HOXD13: variants seen among roughly 807,000 people sequenced by gnomAD.
HOXD13 encodes the protein homeobox D13.
A neutral mutation model predicts 27.3 loss-of-function variants in HOXD13; 16 were observed. The ratio of observed to expected loss-of-function variants is 0.59; its 90% confidence interval spans 0.40 to 0.89. The LOEUF is 0.89. Among genes scored for constraint, HOXD13 ranks in the 40% least tolerant of loss-of-function variants. HOXD13 has a pLI of 0.00. For synonymous variants in HOXD13, 241 were observed against 219.0 expected, an observed-to-expected ratio of 1.10 and a Z score of -0.89; for missense variants, 481 against 482.6, an observed-to-expected ratio of 1.00 and a Z score of 0.03.
At chr2:176,092,470 C>CG (rs1456639378), upstream of HOXD13, among the ~76,000 whole-genome samples, 41 of 9,748 alleles carry the variant, frequency 4.2e-3, 1 homozygote, top group Admixed American at 0.033. Context: ...ACGCCTGGGT[C>CG]GGGGGGGAGG....
At position 176,093,156 on chromosome 2, in the gene HOXD13, C is replaced by A; in HGVS notation, c.266C>A (p.Ser89Ter). Reference sequence around the variant, plus strand: ...GAGCGCACGGGCTCTTCCTCGTCGTCGTCCTCTTCTGCCGTTGTAGCGGCG... The same window carrying A: ...GAGCGCACGGGCTCTTCCTCGTCGTAGTCCTCTTCTGCCGTTGTAGCGGCG... ...TSERTGSSSS[S>*]SSSAVVAARP... The change falls in exon 1 of 2, where the codon TCG becomes TAG. Residue 89 changes from serine (S) to a stop codon, truncating the protein, a stop_gained. Transcript: ENST00000392539. LOFTEE classifies it high-confidence loss of function. 5 of 1,607,340 alleles carry A rather than the reference C, an allele frequency of 3.1e-6. No homozygotes were observed. Among genetic ancestry groups the A allele is most frequent in the Non-Finnish European group, 4.2e-6 (5 of 1,179,462 alleles).
chr2:176,092,271 T>A (rs113236238), upstream of HOXD13, among the ~76,000 whole-genome samples: 9,631 of 152,316 alleles, frequency 0.063, 410 homozygotes, highest in Admixed American at 0.12. Flanking sequence ...AAAATGGGCC[T>A]GTTTTCACAT....
Position 176,092,858 on chromosome 2 carries a change from A to AGGGCCAGGGCCG in HOXD13, c.-27_-16dup. 1 of 1,188,454 alleles carries AGGGCCAGGGCCG rather than the reference A, an allele frequency of 8.4e-7. No individual in the cohort carries two copies. Among genetic ancestry groups the AGGGCCAGGGCCG allele is most frequent in the Non-Finnish European group, 1.0e-6 (1 of 954,832 alleles). 73.6% of individuals were successfully genotyped at this position (1,188,454 alleles called of 1,614,324 possible). A position where few individuals can be genotyped will look rare whatever the true frequency, so the allele number is the denominator to read the frequency against. ...GCGCCATGGTGTCCTGCGCGGGGCCAGGGCCAGGGCCGGGGCCGGGCCAGG... is the reference window on the plus strand; with the variant it reads ...GCGCCATGGTGTCCTGCGCGGGGCCAGGGCCAGGGCCGGGGCCAGGGCCGGGGCCGGGCCAGG... On this transcript the variant is annotated 5_prime_UTR_variant, in exon 1 of 2. Transcript: ENST00000392539.
chr2:176,090,235 G>T (rs1296363312), upstream of HOXD13, among the ~76,000 whole-genome samples: 2 of 152,238 alleles, frequency 1.3e-5, no homozygotes, highest in Non-Finnish European at 2.9e-5. Flanking sequence ...CAAAGGCTAT[G>T]CTGGAAGCAG....
chr2:176,092,617 G>C (rs571866542), upstream of HOXD13, among the ~76,000 whole-genome samples: 2 of 152,214 alleles, frequency 1.3e-5, no homozygotes, highest in East Asian at 1.9e-4. Context: ...CCAATGGCAC[G>C]CCCCCGGCGG....
rs371806521 is a variant in HOXD13 at position 176,093,364 on chromosome 2, G to A, written c.474G>A (p.Ser158=). 3 of 1,613,724 alleles carry A rather than the reference G, an allele frequency of 1.9e-6. No homozygotes were observed. Among genetic ancestry groups the A allele is most frequent in the African/African-American group, 2.7e-5 (2 of 74,936 alleles). Residue 158 remains serine (S), a synonymous_variant, in exon 1 of 2, where the codon TCG becomes TCA. Coordinates refer to ENST00000392539, the MANE Select transcript of HOXD13 (RefSeq NM_000523.4). ...QNALKSSPHA[S]LGGFPVEKYM... Reference sequence around the variant, plus strand: ...CGCTCAAGTCATCGCCGCACGCCTCGCTGGGAGGCTTTCCCGTGGAGAAGT... The same window carrying A: ...CGCTCAAGTCATCGCCGCACGCCTCACTGGGAGGCTTTCCCGTGGAGAAGT...
At position 176,094,676 on chromosome 2, in the gene HOXD13, C is replaced by T. The variant is rs1457102355; in HGVS notation, c.978C>T (p.Asn326=). The T allele has an allele frequency of 2.5e-6, 4 of 1,613,838 alleles. No individual in the cohort carries two copies. The highest frequency in any genetic ancestry group is 2.5e-6 in the Non-Finnish European group (3 of 1,179,778). Residue 326 remains asparagine, a synonymous_variant, in exon 2 of 2, where the codon AAC becomes AAT. Coordinates refer to ENST00000392539, the MANE Select transcript of HOXD13 (RefSeq NM_000523.4). ...GACAAGTGACCATTTGGTTTCAGAA[C>T]CGAAGAGTGAAGGACAAGAAAATTG... ...SERQVTIWFQ[N]RRVKDKKIVS... is the part of the protein sequence containing the mutation.
rs1431472260 is a variant in HOXD13 at position 176,093,450 on chromosome 2, C to G, written c.560C>G (p.Ala187Gly). 1.2e-6 allele frequency: 2 copies of G among 1,613,870 alleles called. No homozygotes were observed. Among genetic ancestry groups the G allele is most frequent in the South Asian group, 2.2e-5 (2 of 91,094 alleles). The change falls in exon 1 of 2, where the codon GCC becomes GGC. Residue 187 changes from alanine (A) to glycine (G), a missense_variant. By Grantham distance (60) the Ala-to-Gly change is moderately conservative. Coordinates refer to ENST00000392539, the MANE Select transcript of HOXD13 (RefSeq NM_000523.4). ...SVPANEVPAR[A>G]KEVSFYQGYT... ...CCGGCCAACGAGGTGCCAGCGCGAGCCAAGGAGGTATCCTTCTACCAGGGC... is the reference window on the plus strand; with the variant it reads ...CCGGCCAACGAGGTGCCAGCGCGAGGCAAGGAGGTATCCTTCTACCAGGGC...
rs1254599167 is a variant in HOXD13 at position 176,093,385 on chromosome 2, G to T, written c.495G>T (p.Glu165Asp). 6.2e-7 allele frequency: 1 copy of T among 1,613,910 alleles called. No individual in the cohort carries two copies. Among genetic ancestry groups the T allele is most frequent in the Non-Finnish European group, 8.5e-7 (1 of 1,180,050 alleles). ...PHASLGGFPV[E>D]KYMDVSGLAS... ...CCTCGCTGGGAGGCTTTCCCGTGGAGAAGTACATGGACGTGTCAGGCCTGG... is the reference window on the plus strand; with the variant it reads ...CCTCGCTGGGAGGCTTTCCCGTGGATAAGTACATGGACGTGTCAGGCCTGG... The change falls in exon 1 of 2, where the codon GAG (glutamate) becomes GAT (aspartate). Residue 165 changes from glutamate (E) to aspartate (D), a missense_variant. Transcript: ENST00000392539.
intron 1 of HOXD13, 80 bp from the exon 2 acceptor site, chr2:176,094,400 C>CACAA: frequency 2.0e-6 from 3 of 1,535,146 alleles, no homozygotes; most frequent in Middle Eastern, 2.2e-4. Flanking sequence ...CACACACACA[C>CACAA]ACACACACAC....
rs765227186 is a variant in HOXD13 at position 176,093,104 on chromosome 2, T to G, written c.214T>G (p.Ser72Ala). The change falls in exon 1 of 2, where the codon TCC becomes GCC. Residue 72 changes from serine to alanine, a missense_variant. Ser to Ala is a moderately conservative substitution (Grantham distance 99). Coordinates refer to ENST00000392539, the MANE Select transcript of HOXD13 (RefSeq NM_000523.4). Reference sequence around the variant, plus strand: ...GGCTGCGGCGGCGGCGGCGGCAGCCTCCGGCTTTGCGTACCCCGGGACCTC... The same window carrying G: ...GGCTGCGGCGGCGGCGGCGGCAGCCGCCGGCTTTGCGTACCCCGGGACCTC... ...AAAAAAAAAA[S>A]GFAYPGTSER... 6.5e-7 allele frequency: 1 copy of G among 1,532,010 alleles called. No homozygotes were observed. Among genetic ancestry groups the G allele is most frequent in the Admixed American group, 2.1e-5 (1 of 48,142 alleles). The allele number at this position is 1,532,010 out of a possible 1,614,324, so 94.9% of individuals were successfully genotyped here. A position where few individuals can be genotyped will look rare whatever the true frequency, so the allele number is the denominator to read the frequency against.
rs1293561094 is a variant in HOXD13 at position 176,093,558 on chromosome 2, A to G, written c.668A>G (p.Tyr223Cys). 19 of 1,613,588 alleles carry G rather than the reference A, an allele frequency of 1.2e-5. No homozygotes were observed. Among genetic ancestry groups the G allele is most frequent in the Non-Finnish European group, 1.6e-5 (19 of 1,179,802 alleles). ...TCCGGGGAGCCTCGGCACGAGGCCT[A>G]CATCTCCATGGAGGGGTACCAGTCC... ...FGSGEPRHEA[Y>C]ISMEGYQSWT... The change falls in exon 1 of 2, where the codon TAC becomes TGC. Residue 223 changes from tyrosine (Y) to cysteine (C), a missense_variant. Tyr to Cys is a radical substitution (Grantham distance 194, BLOSUM62 -2). Transcript: ENST00000392539.
chr2:176,092,945 GC>G lies in HOXD13; in HGVS notation c.57del (p.Gly20ValfsTer76). ...MDGLRADGGG[A>X]GGAPASSSSS... ...CGGGCTGCGGGCAGACGGCGGGGGC[GC>G]CGGTGGCGCCCCGGCCTCTTCCTCC... is the stretch of plus-strand genomic sequence containing the variant. On this transcript the variant is annotated frameshift_variant, in exon 1 of 2. Transcript: ENST00000392539. LOFTEE classifies it high-confidence loss of function. 7.5e-7 allele frequency: 1 copy of G among 1,328,272 alleles called. No homozygotes were observed. The highest frequency in any genetic ancestry group is 9.6e-7 in the Non-Finnish European group (1 of 1,042,404). 82.3% of individuals were successfully genotyped at this position (1,328,272 alleles called of 1,614,324 possible). A position where few individuals can be genotyped will look rare whatever the true frequency, so the allele number is the denominator to read the frequency against.
At chr2:176,091,970 G>A (rs113826400), upstream of HOXD13, among the ~76,000 whole-genome samples, 9,371 of 152,216 alleles carry the variant, frequency 0.062, 386 homozygotes, top group Admixed American at 0.12. Flanking sequence ...AAGAGTAGAG[G>A]CGAAGAGCGT....
chr2:176,092,815 G>A lies in HOXD13; in HGVS notation c.-76G>A, dbSNP rs934985161. On this transcript the variant is annotated 5_prime_UTR_variant, in exon 1 of 2. Transcript: ENST00000392539. The stretch of plus-strand genomic sequence containing the variant: ...GCGAGCGAACCAGAGAGAAAGGAGA[G>A]GAGGGAGGAGGCGCGCCGCGCCATG... 167 of 959,818 alleles carry A rather than the reference G, an allele frequency of 1.7e-4. No individual in the cohort carries two copies. The highest frequency in any genetic ancestry group is 1.2e-3 in the Middle Eastern group (3 of 2,570). The allele number at this position is 959,818 out of a possible 1,614,324, so 59.5% of individuals were successfully genotyped here.
chr2:176,092,916 T>C lies in HOXD13; in HGVS notation c.26T>C (p.Met9Thr), dbSNP rs1689343705. The C allele has an allele frequency of 4.6e-6, 6 of 1,318,482 alleles. No homozygotes were observed. Among genetic ancestry groups the C allele is most frequent in the Non-Finnish European group, 5.8e-6 (6 of 1,037,638 alleles). 81.7% of individuals were successfully genotyped at this position (1,318,482 alleles called of 1,614,324 possible). A position where few individuals can be genotyped will look rare whatever the true frequency, so the allele number is the denominator to read the frequency against. The change falls in exon 1 of 2, where the codon ATG becomes ACG. Residue 9 changes from methionine to threonine, a missense_variant. Physicochemically the swap from Met to Thr is moderately conservative, Grantham distance 81. Coordinates refer to ENST00000392539, the MANE Select transcript of HOXD13 (RefSeq NM_000523.4). MSRAGSWDMDGLRADGGGA... is the reference protein window; with the variant it reads MSRAGSWDTDGLRADGGGA... Reference sequence around the variant, plus strand: ...ATGAGCCGCGCCGGGAGCTGGGACATGGACGGGCTGCGGGCAGACGGCGGG... The same window carrying C: ...ATGAGCCGCGCCGGGAGCTGGGACACGGACGGGCTGCGGGCAGACGGCGGG...
upstream of HOXD13, among the ~76,000 whole-genome samples, chr2:176,090,399 C>T (rs988357605): frequency 5.9e-5 from 9 of 152,252 alleles, no homozygotes; most frequent in African/African-American, 2.2e-4. Context: ...AAATCCCTTT[C>T]AACCTGAGTA....
rs1247008014 is a variant in HOXD13, at chr2:176,092,955, C to G, written c.65C>G (p.Ala22Gly). The change falls in exon 1 of 2, where the codon GCC becomes GGC. Residue 22 changes from alanine to glycine, a missense_variant. Transcript: ENST00000392539. ...GCAGACGGCGGGGGCGCCGGTGGCG[C>G]CCCGGCCTCTTCCTCCTCCTCATCG... is the stretch of plus-strand genomic sequence containing the variant. ...LRADGGGAGG[A>G]PASSSSSSVA... The G allele has an allele frequency of 7.5e-7, 1 of 1,333,862 alleles. No individual in the cohort carries two copies. Among genetic ancestry groups the G allele is most frequent in the Non-Finnish European group, 9.6e-7 (1 of 1,045,830 alleles). The allele number at this position is 1,333,862 out of a possible 1,614,324, so 82.6% of individuals were successfully genotyped here. A position where few individuals can be genotyped will look rare whatever the true frequency, so the allele number is the denominator to read the frequency against.
At chr2:176,093,797 G>T in intron 1 of HOXD13, 126 bp downstream of exon 1, 1 of 652,732 alleles carries the variant, frequency 1.5e-6, no homozygotes. Context: ...CGTGACCAGG[G>T]TTAACCCAGT....
Sources: gnomAD v4.1 joint callset for allele counts (sites outside exome capture counted in the v4.1 genomes callset) on GRCh38, gnomAD v4.1.1 for gene constraint, MANE v1.5 for transcripts, NCBI Gene and HGNC (gene_info 2026-07-23, HGNC 2026-07-21) for gene names.